HAO1: variants seen among roughly 807,000 people sequenced by gnomAD.
HAO1 encodes the protein 2-Hydroxyacid oxidase 1.
HAO1 carries 34 observed loss-of-function variants against 39.7 expected under a neutral mutation model. The observed-to-expected ratio is 0.86, with a 90% CI of 0.65 to 1.14. HAO1 has a LOEUF of 1.14. Ranked by LOEUF, HAO1 falls within the 50% of genes most tolerant of loss-of-function variation. HAO1 has a pLI of 0.00. For missense variants in HAO1, 479 were observed against 464.5 expected (o/e 1.03, Z -0.29); for synonymous variants, 172 against 173.2 (o/e 0.99, Z 0.05).
intron 2 of HAO1, among the ~76,000 whole-genome samples, chr20:7,929,642 G>C (rs537380358): frequency 6.6e-6 from 1 of 152,274 alleles, no homozygotes; most frequent in Non-Finnish European, 1.5e-5. Context: ...AAGGCAGGCA[G>C]ATCATGAGGT....
chr20:7,894,490 T>A (rs2122755679), intron 5 of HAO1, among the ~76,000 whole-genome samples: 1 of 152,308 alleles, frequency 6.6e-6, no homozygotes, highest in East Asian at 1.9e-4. Flanking sequence ...GAGATTCTGA[T>A]AAATAGACCT....
chr20:7,891,097 C>T (rs1331066564), intron 5 of HAO1, among the ~76,000 whole-genome samples: 1 of 152,140 alleles, frequency 6.6e-6, no homozygotes, highest in Non-Finnish European at 1.5e-5. Context: ...GGTAGTTCTA[C>T]TTTCAGTTCT....
intron 2 of HAO1, among the ~76,000 whole-genome samples, chr20:7,925,365 A>G (rs1433742459): frequency 2.0e-5 from 3 of 152,150 alleles, no homozygotes; most frequent in African/African-American, 4.8e-5. Context: ...ATCTTGAGTG[A>G]TCACACTGCC....
Position 7,934,492 on chromosome 20 carries a change from G to A in HAO1, c.281C>T (p.Thr94Ile), listed in dbSNP as rs1420215781. Residue 94 changes from threonine to isoleucine, a missense_variant, in exon 2 of 8, where the codon ACT (threonine) becomes ATT (isoleucine). Thr to Ile is a moderately conservative substitution (Grantham distance 89). Coordinates refer to ENST00000378789, the MANE Select transcript of HAO1 (RefSeq NM_017545.3). ...RMAHVDGELA[T>I]VRACQSLGTG... The stretch of plus-strand genomic sequence containing the variant: ...GACAATCTTCCTCCTACCTCTCACA[G>A]TGGCAAGCTCGCCGTCCACATGAGC... 6.2e-7 allele frequency: 1 copy of A among 1,609,128 alleles called. No homozygotes were observed. The highest frequency in any genetic ancestry group is 1.3e-5 in the African/African-American group (1 of 74,644).
chr20:7,933,936 A>G (rs776237190), intron 2 of HAO1, among the ~76,000 whole-genome samples: 30 of 152,220 alleles, frequency 2.0e-4, no homozygotes, highest in Non-Finnish European at 3.2e-4. Context: ...AAAAAGAATC[A>G]TGACCCAAAA....
chr20:7,907,195 A>T (rs1216848832), intron 3 of HAO1, among the ~76,000 whole-genome samples: 1 of 151,942 alleles, frequency 6.6e-6, no homozygotes, highest in Non-Finnish European at 1.5e-5. Flanking sequence ...CGGTCTGCTG[A>T]CTCAAACTTC....
intron 5 of HAO1, among the ~76,000 whole-genome samples, chr20:7,892,700 C>A (rs932968962): frequency 6.6e-6 from 1 of 151,972 alleles, no homozygotes; most frequent in African/African-American, 2.4e-5. Flanking sequence ...ATATAAGAAT[C>A]CAGTTCTGAG....
At chr20:7,918,317 A>G (rs780528841) in intron 2 of HAO1, among the ~76,000 whole-genome samples, 1 of 152,190 alleles carries the variant, frequency 6.6e-6, no homozygotes, top group African/African-American at 2.4e-5. Flanking sequence ...TGTTAGAATG[A>G]GCTAAGGGAG....
At chr20:7,888,523 C>T (rs565159896) in intron 5 of HAO1, among the ~76,000 whole-genome samples, 15 of 152,238 alleles carry the variant, frequency 9.9e-5, no homozygotes, top group Admixed American at 1.3e-4. Flanking sequence ...CTTAGTTAAA[C>T]GCAAAAGAGA....
rs148371109 is a variant in HAO1, at chr20:7,940,413, G to A, written c.10C>T (p.Arg4Trp). 62 of 1,605,736 alleles carry A rather than the reference G, an allele frequency of 3.9e-5. No homozygotes were observed. The highest frequency in any genetic ancestry group is 4.5e-5 in the Non-Finnish European group (53 of 1,177,746). ...TCATAATCATTGATACAAATTAGCC[G>A]GGGGAGCATTTTCACAGGTTATTGC... MLP[R>W]LICINDYEQH... is the part of the protein sequence containing the mutation. Residue 4 changes from arginine to tryptophan, a missense_variant, in exon 1 of 8, where the codon CGG (arginine) becomes TGG (tryptophan). Transcript: ENST00000378789.
chr20:7,894,893 T>C (rs887645834), intron 5 of HAO1, among the ~76,000 whole-genome samples: 4 of 152,236 alleles, frequency 2.6e-5, no homozygotes, highest in Non-Finnish European at 5.9e-5. Context: ...TGACTTATTA[T>C]TTAACAGAGA....
chr20:7,936,547 T>TGTGTGTGTGTGTGTGTGTGTG (rs751822933), intron 1 of HAO1, among the ~76,000 whole-genome samples: 220 of 136,618 alleles, frequency 1.6e-3, no homozygotes, highest in Middle Eastern at 4.0e-3. Context: ...TGTGTGTGTG[T>TGTGTGTGTGTGTGTGTGTGTG]TCGCGCGCGC....
At chr20:7,913,404 G>T (rs1042641888) in intron 3 of HAO1, among the ~76,000 whole-genome samples, 1 of 151,990 alleles carries the variant, frequency 6.6e-6, no homozygotes, top group African/African-American at 2.4e-5. Context: ...AGCACATTTT[G>T]GTGGAAACTG....
chr20:7,899,503 C>T (rs2050211979), intron 4 of HAO1, among the ~76,000 whole-genome samples: 2 of 151,936 alleles, frequency 1.3e-5, no homozygotes, highest in African/African-American at 4.8e-5. Flanking sequence ...AAAGTGCCTC[C>T]CATTTGAATT....
intron 7 of HAO1, 146 bp downstream of exon 7, chr20:7,885,375 C>T: frequency 1.6e-6 from 1 of 638,044 alleles, no homozygotes; most frequent in Non-Finnish European, 2.8e-6. Flanking sequence ...CAGAGTTCCT[C>T]AAAGCTGTAA....
At chr20:7,889,455 G>C (rs191253553) in intron 5 of HAO1, among the ~76,000 whole-genome samples, 7 of 152,270 alleles carry the variant, frequency 4.6e-5, no homozygotes, top group Non-Finnish European at 8.8e-5. Context: ...AAACCAATTT[G>C]ATTCCATCCT....
In HAO1 at chr20:7,890,013, C is replaced by T. The variant is rs188180819; in HGVS notation, c.814-4149G>A. ...AAGTACTGAGACCTGGACACCACAG[C>T]CTCCCCCAAGACCTTTACCGCTCAC... is the stretch of plus-strand genomic sequence containing the variant. On this transcript the variant is annotated intron_variant, in intron 5 of 7. Coordinates refer to ENST00000378789, the MANE Select transcript of HAO1 (RefSeq NM_017545.3). Among the ~76,000 whole-genome samples the T allele has an allele frequency of 1.3e-3, 192 of 152,196 alleles. 1 individual carries two copies. Among genetic ancestry groups the T allele is most frequent in the African/African-American group, 3.7e-3 (155 of 41,538 alleles).
chr20:7,901,052 C>A (rs1028818596), intron 4 of HAO1, among the ~76,000 whole-genome samples: 1 of 152,108 alleles, frequency 6.6e-6, no homozygotes, highest in African/African-American at 2.4e-5. Flanking sequence ...TAGAGCAACA[C>A]CCTAACTCTC....
At chr20:7,892,671 G>A (rs80190065) in intron 5 of HAO1, among the ~76,000 whole-genome samples, 1,546 of 152,170 alleles carry the variant, frequency 0.01, 17 homozygotes, top group South Asian at 0.029. Context: ...GAAGGGTTCC[G>A]ATAAAAGGGA....
Sources: gnomAD v4.1 joint callset for allele counts (sites outside exome capture counted in the v4.1 genomes callset) on GRCh38, gnomAD v4.1.1 for gene constraint, MANE v1.5 for transcripts, NCBI Gene and HGNC (gene_info 2026-07-23, HGNC 2026-07-21) for gene names.